B3GALT1: variants seen among roughly 807,000 people sequenced by gnomAD.
B3GALT1 encodes beta-1,3-galactosyltransferase 1.
B3GALT1 carries 10 observed loss-of-function variants against 23.2 expected under a neutral mutation model. That is an observed-to-expected ratio of 0.43 (90% CI 0.27 to 0.73). The LOEUF (loss-of-function observed/expected upper bound fraction) is 0.73, where lower values mean the gene tolerates loss of function less well. B3GALT1 is among the 30% of genes least tolerant of loss of function. The pLI is 0.21. For missense variants in B3GALT1, 299 were observed against 405.4 expected, an observed-to-expected ratio of 0.74 and a Z score of 2.25; for synonymous variants, 156 against 141.5, an observed-to-expected ratio of 1.10 and a Z score of -0.73.
intron 2 of B3GALT1, among the ~76,000 whole-genome samples, chr2:167,570,181 T>C (rs1197392786): frequency 1.3e-5 from 2 of 151,904 alleles, no homozygotes; most frequent in African/African-American, 4.8e-5. Flanking sequence ...CCTCATGGAA[T>C]GGGTTAAGAA....
At chr2:167,662,911 C>A (rs1045077335) in intron 3 of B3GALT1, among the ~76,000 whole-genome samples, 1 of 151,772 alleles carries the variant, frequency 6.6e-6, no homozygotes, top group Non-Finnish European at 1.5e-5. Context: ...CTTGTCTTCT[C>A]CAAGTCTGCA....
intron 3 of B3GALT1, among the ~76,000 whole-genome samples, chr2:167,683,270 C>G (rs1180819475): frequency 1.3e-5 from 2 of 152,120 alleles, no homozygotes; most frequent in African/African-American, 4.8e-5. Context: ...GCAGTAGACA[C>G]CAAAGACCTT....
Position 167,715,721 on chromosome 2 carries a change from G to A in B3GALT1, c.-352+68755G>A, listed in dbSNP as rs1333771170. The stretch of plus-strand genomic sequence containing the variant: ...TTCTGCTGCCGCCTTCTCAAAGCTG[G>A]CATCCTCTAAAGATGACTGTACTTC... On this transcript the variant is annotated intron_variant, in intron 3 of 4. Transcript: ENST00000392690. 10 of 1,613,102 alleles carry A rather than the reference G, an allele frequency of 6.2e-6. No individual in the cohort carries two copies. The Admixed American group carries it at 1.5e-4, about 24-fold the overall frequency.
At chr2:167,699,432 A>T (rs1686843039) in intron 3 of B3GALT1, among the ~76,000 whole-genome samples, 1 of 133,922 alleles carries the variant, frequency 7.5e-6, no homozygotes, top group African/African-American at 2.8e-5. Context: ...CTAAAACCCC[A>T]ATTAACCACA....
At chr2:167,422,118 G>A (rs1286461241) in intron 1 of B3GALT1, among the ~76,000 whole-genome samples, 2 of 151,186 alleles carry the variant, frequency 1.3e-5, no homozygotes, top group African/African-American at 4.9e-5. Flanking sequence ...GAAAGAATAA[G>A]AAGGGAGGAG....
At chr2:167,441,477 G>C (rs1009397911) in intron 1 of B3GALT1, among the ~76,000 whole-genome samples, 7 of 151,922 alleles carry the variant, frequency 4.6e-5, no homozygotes, top group African/African-American at 1.5e-4. Context: ...CTCATTTTTT[G>C]GCAATCCTGT....
chr2:167,443,948 T>C (rs959171889), intron 1 of B3GALT1, among the ~76,000 whole-genome samples: 22 of 152,362 alleles, frequency 1.4e-4, no homozygotes, highest in Middle Eastern at 6.8e-3. Flanking sequence ...CTTGTGCCAG[T>C]TTCCAAAGGG....
chr2:167,852,399 C>A (rs1689919264), intron 4 of B3GALT1, among the ~76,000 whole-genome samples: 1 of 151,962 alleles, frequency 6.6e-6, no homozygotes, highest in Non-Finnish European at 1.5e-5. Flanking sequence ...TGGCAGTTGA[C>A]AACCATTCAT....
chr2:167,757,503 G>T (rs1687836822), intron 3 of B3GALT1, among the ~76,000 whole-genome samples: 1 of 152,138 alleles, frequency 6.6e-6, no homozygotes, highest in African/African-American at 2.4e-5. Flanking sequence ...TGTAACAAGT[G>T]CAAGTGCCTC....
chr2:167,437,263 A>G (rs1323919682), intron 1 of B3GALT1, among the ~76,000 whole-genome samples: 1 of 152,158 alleles, frequency 6.6e-6, no homozygotes, highest in Non-Finnish European at 1.5e-5. Flanking sequence ...GAAAGGTGAA[A>G]TGTTCAGTCA....
At chr2:167,475,313 A>G (rs937212513) in intron 1 of B3GALT1, among the ~76,000 whole-genome samples, 1 of 151,684 alleles carries the variant, frequency 6.6e-6, no homozygotes, top group African/African-American at 2.4e-5. Flanking sequence ...TATCAGTTCC[A>G]CTCTCAAGGT....
intron 1 of B3GALT1, among the ~76,000 whole-genome samples, chr2:167,296,509 C>CA (rs907942947): frequency 2.6e-5 from 4 of 152,264 alleles, no homozygotes; most frequent in Non-Finnish European, 5.9e-5. Context: ...TCTCACCACA[C>CA]AAAAACACAT....
At chr2:167,733,419 ATTT>A (rs11326575) in intron 3 of B3GALT1, among the ~76,000 whole-genome samples, 2 of 147,950 alleles carry the variant, frequency 1.4e-5, no homozygotes, top group Non-Finnish European at 3.0e-5. Flanking sequence ...TTTTATTGAG[ATTT>A]TTTTTTTTTA....
At chr2:167,822,519 A>ATTACT (rs1553491459) in intron 4 of B3GALT1, among the ~76,000 whole-genome samples, 1 of 152,180 alleles carries the variant, frequency 6.6e-6, no homozygotes, top group African/African-American at 2.4e-5. Context: ...TTGTTATTTA[A>ATTACT]TTACTTAAAG....
At chr2:167,329,695 G>T (rs1468098602) in intron 1 of B3GALT1, among the ~76,000 whole-genome samples, 1 of 152,100 alleles carries the variant, frequency 6.6e-6, no homozygotes, top group Middle Eastern at 3.2e-3. Context: ...TGTAGGGCTG[G>T]TCTAGTAGGG....
chr2:167,395,908 T>G (rs1698087323), intron 1 of B3GALT1, among the ~76,000 whole-genome samples: 1 of 152,160 alleles, frequency 6.6e-6, no homozygotes, highest in African/African-American at 2.4e-5. Flanking sequence ...ATTTCACAGT[T>G]TGACAATATT....
At chr2:167,495,325 C>CCT (rs1448085553) in intron 2 of B3GALT1, among the ~76,000 whole-genome samples, 2 of 134,118 alleles carry the variant, frequency 1.5e-5, no homozygotes, top group South Asian at 2.3e-4. Flanking sequence ...AGCTTGCTTG[C>CCT]CTTTTTTTTT....
chr2:167,684,133 C>T (rs1374316622), intron 3 of B3GALT1, among the ~76,000 whole-genome samples: 1 of 152,208 alleles, frequency 6.6e-6, no homozygotes, highest in Non-Finnish European at 1.5e-5. Context: ...TGGTTAGTCT[C>T]TCCATTTAAC....
At chr2:167,779,346 A>AT (rs1688211290) in intron 3 of B3GALT1, among the ~76,000 whole-genome samples, 3 of 152,324 alleles carry the variant, frequency 2.0e-5, no homozygotes, top group African/African-American at 7.2e-5. Flanking sequence ...TTAGAAGGGA[A>AT]TGACAGACTC....
Sources: gnomAD v4.1 joint callset for allele counts (sites outside exome capture counted in the v4.1 genomes callset) on GRCh38, gnomAD v4.1.1 for gene constraint, MANE v1.5 for transcripts, NCBI Gene and HGNC (gene_info 2026-07-23, HGNC 2026-07-21) for gene names.